The following CD36 variants were observed in gnomAD, a reference collection of about 807,000 sequenced individuals.
CD36 encodes CD36 molecule (CD36 blood group).
A neutral mutation model predicts 55.2 loss-of-function variants in CD36; 119 were observed. The observed-to-expected ratio is 2.15, with a 90% CI of 1.86 to 2.51. The LOEUF (loss-of-function observed/expected upper bound fraction) is 2.51. CD36 is among the 30% of genes most tolerant of loss of function. The pLI is 0.00. For missense variants in CD36, 819 were observed against 555.5 expected (o/e 1.47, Z -4.77); for synonymous variants, 186 against 193.6 (o/e 0.96, Z 0.33).
At chr7:80,658,487 T>C (rs756115264) in intron 4 of CD36, among the ~76,000 whole-genome samples, 1 of 152,118 alleles carries the variant, frequency 6.6e-6, no homozygotes, top group African/African-American at 2.4e-5. Context: ...TTTTCACTTC[T>C]GTTTTTAATT....
intron 8 of CD36, among the ~76,000 whole-genome samples, chr7:80,668,433 C>T (rs1352718543): frequency 1.3e-5 from 2 of 152,150 alleles, no homozygotes; most frequent in South Asian, 2.1e-4. Flanking sequence ...CAGTAAGGTT[C>T]TAATGTGTTT....
At chr7:80,617,445 G>T (rs1214695624) in intron 1 of CD36, among the ~76,000 whole-genome samples, 2 of 151,958 alleles carry the variant, frequency 1.3e-5, no homozygotes, top group African/African-American at 2.4e-5. Flanking sequence ...TGCTGTGAAG[G>T]GCCAGGCACG....
rs1795185406 is a variant in CD36, at chr7:80,646,613, T to C, written c.-89-39T>C. The C allele has an allele frequency of 3.3e-5, 36 of 1,098,760 alleles. 1 individual carries two copies. In the South Asian group the frequency reaches 4.0e-4, roughly 12 times the overall value. The allele number at this position is 1,098,760 out of a possible 1,614,324, so 68.1% of individuals were successfully genotyped here. A position where few individuals can be genotyped will look rare whatever the true frequency, so the allele number is the denominator to read the frequency against. On this transcript the variant is annotated intron_variant, in intron 2 of 14. Coordinates refer to ENST00000447544, the MANE Select transcript of CD36 (RefSeq NM_001001548.3). ...TTGTACTTTGATCTTTTTGTACTGA[T>C]ATTTAAGCTTCTGTTTTATGATCTC... is the stretch of plus-strand genomic sequence containing the variant.
chr7:80,654,408 TG>T (rs1224413194), intron 3 of CD36, among the ~76,000 whole-genome samples: 1 of 152,172 alleles, frequency 6.6e-6, no homozygotes, highest in Non-Finnish European at 1.5e-5. Context: ...TAACAGGTAT[TG>T]TTTTTGAGCA....
chr7:80,662,920 C>A, intron 5 of CD36, 70 bp from the exon 6 acceptor site: 1 of 1,218,734 alleles, frequency 8.2e-7, no homozygotes, highest in Non-Finnish European at 1.2e-6. Flanking sequence ...TCAATATTAG[C>A]ATTTAATCCA....
chr7:80,605,492 G>GAA (rs35574453), intron 1 of CD36, among the ~76,000 whole-genome samples: 2 of 151,596 alleles, frequency 1.3e-5, no homozygotes, highest in Non-Finnish European at 2.9e-5. Flanking sequence ...GTCTCTGGGG[G>GAA]AAAAAAAATG....
At chr7:80,622,646 A>G (rs1345435887) in intron 1 of CD36, among the ~76,000 whole-genome samples, 3 of 152,220 alleles carry the variant, frequency 2.0e-5, no homozygotes, top group African/African-American at 7.2e-5. Context: ...GTGAGAAAAT[A>G]AGAAAGGAAA....
At chr7:80,669,832 T>C in intron 8 of CD36, 121 bp from the exon 9 acceptor site, 1 of 772,736 alleles carries the variant, frequency 1.3e-6, no homozygotes, top group Non-Finnish European at 2.3e-6. Context: ...ATGTGGCTGC[T>C]AGATAAATTA....
chr7:80,629,623 G>A (rs1793953890), intron 1 of CD36, among the ~76,000 whole-genome samples: 1 of 151,952 alleles, frequency 6.6e-6, no homozygotes, highest in Non-Finnish European at 1.5e-5. Context: ...ATGAATTATA[G>A]ATGTGGAGTT....
In CD36 at chr7:80,672,764, T is replaced by C. The variant is rs948878039; in HGVS notation, c.1126-6T>C. ...GTTGGTAATTATTTAGTTGTTCTCTTTTTAGATAACTGGATTCACTTTACA... is the reference window on the plus strand; with the variant it reads ...GTTGGTAATTATTTAGTTGTTCTCTCTTTAGATAACTGGATTCACTTTACA... On this transcript the variant is annotated splice_region_variant and splice_polypyrimidine_tract_variant and intron_variant, in intron 11 of 14. Transcript: ENST00000447544. 1.3e-6 allele frequency: 2 copies of C among 1,596,628 alleles called. No individual in the cohort carries two copies. Among genetic ancestry groups the C allele is most frequent in the African/African-American group, 2.7e-5 (2 of 74,634 alleles).
chr7:80,614,741 T>C (rs1325223863), intron 1 of CD36, among the ~76,000 whole-genome samples: 2 of 152,104 alleles, frequency 1.3e-5, no homozygotes, highest in Non-Finnish European at 2.9e-5. Context: ...AGTGGGAAAT[T>C]GGGGGATTAA....
In CD36 at chr7:80,677,657, G is replaced by C. The variant is rs527485906; in HGVS notation, c.*1274G>C. 2 of 152,286 alleles carry C rather than the reference G, an allele frequency of 1.3e-5. No homozygotes were observed. The highest frequency in any genetic ancestry group is 2.1e-4 in the South Asian group (1 of 4,822). The allele number at this position is 152,286 out of a possible 1,614,324, so 9.4% of individuals were successfully genotyped here. On this transcript the variant is annotated 3_prime_UTR_variant, in exon 15 of 15. Transcript: ENST00000447544. ...GATAACATTGTAGACATGTTCTTCT[G>C]ATAATACAAGGTTTATTCTATTTGC...
At chr7:80,629,354 C>T (rs182989990) in intron 1 of CD36, among the ~76,000 whole-genome samples, 28 of 152,108 alleles carry the variant, frequency 1.8e-4, no homozygotes, top group African/African-American at 6.7e-4. Flanking sequence ...AAAAATCATT[C>T]CCACTGCTGT....
chr7:80,610,614 G>T (rs183172846), intron 1 of CD36, among the ~76,000 whole-genome samples: 1 of 151,242 alleles, frequency 6.6e-6, no homozygotes, highest in Non-Finnish European at 1.5e-5. Flanking sequence ...GCTCTGTCTC[G>T]CCCAGGCTGC....
At chr7:80,666,239 G>A in intron 7 of CD36, 1 of 491,020 alleles carries the variant, frequency 2.0e-6, no homozygotes, top group Middle Eastern at 5.5e-4. Flanking sequence ...TTTATGATCT[G>A]GCTACCTAAT....
Position 80,663,842 on chromosome 7 carries a change from G to A in CD36, c.610-564G>A, listed in dbSNP as rs548757536. Among the ~76,000 whole-genome samples the A allele has an allele frequency of 2.6e-4, 39 of 152,122 alleles. No homozygotes were observed. In the East Asian group the frequency reaches 7.5e-3, roughly 29 times the overall value. ...CTATATGTGAATATTATGTTCTCTAGTTCATTGTTTTACTTTTAGATACTG... is the reference window on the plus strand; with the variant it reads ...CTATATGTGAATATTATGTTCTCTAATTCATTGTTTTACTTTTAGATACTG... On this transcript the variant is annotated intron_variant, in intron 6 of 14. Coordinates refer to ENST00000447544, the MANE Select transcript of CD36 (RefSeq NM_001001548.3).
chr7:80,623,703 A>T (rs1411664924), intron 1 of CD36, among the ~76,000 whole-genome samples: 1 of 152,162 alleles, frequency 6.6e-6, no homozygotes, highest in East Asian at 1.9e-4. Flanking sequence ...ATATTCACTG[A>T]TGCTTTGTTT....
At chr7:80,627,967 C>G (rs904953080) in intron 1 of CD36, among the ~76,000 whole-genome samples, 5 of 151,896 alleles carry the variant, frequency 3.3e-5, no homozygotes, top group Non-Finnish European at 7.4e-5. Context: ...AAACTATTTA[C>G]CTGTTTGCTA....
At chr7:80,658,146 T>C (rs1375329886) in intron 4 of CD36, among the ~76,000 whole-genome samples, 1 of 152,212 alleles carries the variant, frequency 6.6e-6, no homozygotes, top group Non-Finnish European at 1.5e-5. Context: ...CAATGAAGAC[T>C]TAGTTTTTAT....
Sources: gnomAD v4.1 joint callset for allele counts (sites outside exome capture counted in the v4.1 genomes callset) on GRCh38, gnomAD v4.1.1 for gene constraint, MANE v1.5 for transcripts, NCBI Gene and HGNC (gene_info 2026-07-23, HGNC 2026-07-21) for gene names.